Variants in FARP2 observed in about 807,000 individuals in gnomAD.
The protein encoded by FARP2 is FERM, ARH/RhoGEF and pleckstrin domain protein 2.
FARP2 carries 111 observed loss-of-function variants against 130.5 expected under a neutral mutation model. That is an observed-to-expected ratio of 0.85 (90% CI 0.73 to 1.00). FARP2 has a LOEUF of 1.00. FARP2 is among the 50% of genes least tolerant of loss of function. FARP2 has a pLI of 0.00. For synonymous variants in FARP2, 504 were observed against 516.9 expected (o/e 0.98, Z 0.34); for missense variants, 1,385 against 1,346.3 (o/e 1.03, Z -0.45).
At chr2:241,367,600 A>G (rs1354315651) in intron 1 of FARP2, among the ~76,000 whole-genome samples, 1 of 152,146 alleles carries the variant, frequency 6.6e-6, no homozygotes, top group African/African-American at 2.4e-5. Context: ...GTAGTGAAAT[A>G]TTAAGTTCAT....
chr2:241,368,755 C>T (rs975899305), intron 1 of FARP2, among the ~76,000 whole-genome samples: 5 of 152,126 alleles, frequency 3.3e-5, no homozygotes, highest in South Asian at 2.1e-4. Flanking sequence ...TATAGGTGTG[C>T]GCCACTATTC....
chr2:241,493,847 T>C, intron 26 of FARP2, 161 bp from the exon 27 acceptor site: 3 of 546,014 alleles, frequency 5.5e-6, no homozygotes, highest in South Asian at 3.6e-5. Context: ...TCCATCTGCC[T>C]CAGCCTCCCA....
intron 2 of FARP2, among the ~76,000 whole-genome samples, chr2:241,377,420 C>A (rs960279192): frequency 6.6e-6 from 1 of 151,468 alleles, no homozygotes; most frequent in African/African-American, 2.4e-5. Flanking sequence ...CGGCTCACTG[C>A]AAGCTCCGCT....
Position 241,377,403 on chromosome 2 carries a change from G to A in FARP2, c.183+4113G>A, listed in dbSNP as rs1002076638. ...AGGCCGGACTGCGGACTGCAGTGGC[G>A]CAATCTCGGCTCACTGCAAGCTCCG... is the stretch of plus-strand genomic sequence containing the variant. On this transcript the variant is annotated intron_variant, in intron 2 of 26. Transcript: ENST00000264042. 9.3e-5 allele frequency among the ~76,000 whole-genome samples: 14 copies of A among 150,664 alleles called. 1 individual carries two copies. Among genetic ancestry groups the A allele is most frequent in the African/African-American group, 3.4e-4 (14 of 41,036 alleles).
At chr2:241,397,277 A>G (rs1389939059) in intron 2 of FARP2, among the ~76,000 whole-genome samples, 2 of 152,180 alleles carry the variant, frequency 1.3e-5, no homozygotes, top group Non-Finnish European at 2.9e-5. Context: ...TGGCACATGT[A>G]TACATATGTA....
chr2:241,442,053 A>C (rs966089368), intron 13 of FARP2: 10 of 362,306 alleles, frequency 2.8e-5, no homozygotes, highest in Non-Finnish European at 4.4e-5. Flanking sequence ...ATGGGAACGC[A>C]CACCCCTCAG....
At chr2:241,410,201 T>C (rs1182800021) in intron 5 of FARP2, among the ~76,000 whole-genome samples, 5 of 152,224 alleles carry the variant, frequency 3.3e-5, no homozygotes, top group African/African-American at 1.2e-4. Flanking sequence ...AAAGTGCCTG[T>C]TTCTCAGATC....
chr2:241,440,546 A>T (rs1466420477), intron 12 of FARP2, among the ~76,000 whole-genome samples: 9 of 152,126 alleles, frequency 5.9e-5, no homozygotes, highest in African/African-American at 2.2e-4. Context: ...GGAAGGCCCC[A>T]GGTCTCTTGT....
At chr2:241,463,562 G>A in intron 16 of FARP2, 94 bp downstream of exon 16, 1 of 1,455,490 alleles carries the variant, frequency 6.9e-7, no homozygotes, top group South Asian at 1.3e-5. Flanking sequence ...TAATTCAGAA[G>A]AGCCATTTTT....
chr2:241,467,367 C>G (rs1397102308), intron 17 of FARP2, among the ~76,000 whole-genome samples: 3 of 149,482 alleles, frequency 2.0e-5, no homozygotes, highest in Non-Finnish European at 4.5e-5. Context: ...AGATATGGGC[C>G]AGGCATAGTG....
At chr2:241,467,885 G>A (rs1221930712) in intron 17 of FARP2, among the ~76,000 whole-genome samples, 1 of 152,204 alleles carries the variant, frequency 6.6e-6, no homozygotes, top group Admixed American at 6.5e-5. Context: ...TCCACTCAGT[G>A]CATGTGATAT....
At chr2:241,392,401 T>C (rs2150329982) in intron 2 of FARP2, among the ~76,000 whole-genome samples, 1 of 152,278 alleles carries the variant, frequency 6.6e-6, no homozygotes, top group African/African-American at 2.4e-5. Flanking sequence ...AAATAAGTAA[T>C]TGAGTCACCA....
At chr2:241,396,385 G>C (rs371067352) in intron 2 of FARP2, among the ~76,000 whole-genome samples, 2 of 151,910 alleles carry the variant, frequency 1.3e-5, no homozygotes, top group Non-Finnish European at 2.9e-5. Context: ...ACTACCATCA[G>C]AGTGAACAGG....
At position 241,434,338 on chromosome 2, in the gene FARP2, G is replaced by C. The variant is rs1387867690; in HGVS notation, c.1031+17G>C. The C allele has an allele frequency of 1.3e-6, 2 of 1,565,182 alleles. No homozygotes were observed. Among genetic ancestry groups the C allele is most frequent in the Non-Finnish European group, 1.7e-6 (2 of 1,159,540 alleles). The stretch of plus-strand genomic sequence containing the variant: ...CAGATACAGGTAGGGGCCATGCCGT[G>C]GCTTGCATGGGCCCCTCACTGGTTT... On this transcript the variant is annotated intron_variant, in intron 10 of 26. Transcript: ENST00000264042.
At chr2:241,491,434 G>A (rs936379506) in intron 23 of FARP2, 82 bp from the exon 24 acceptor site, 54 of 1,492,060 alleles carry the variant, frequency 3.6e-5, no homozygotes, top group Non-Finnish European at 4.7e-5. Flanking sequence ...CAGGACCCCC[G>A]AGAGGAACCC....
intron 18 of FARP2, among the ~76,000 whole-genome samples, chr2:241,470,175 T>C (rs962106574): frequency 9.2e-5 from 14 of 152,362 alleles, no homozygotes; most frequent in African/African-American, 3.4e-4. Context: ...TTGAATAGAA[T>C]TCTCTTGGAC....
At chr2:241,454,120 C>A (rs1340651674) in intron 13 of FARP2, among the ~76,000 whole-genome samples, 1 of 152,012 alleles carries the variant, frequency 6.6e-6, no homozygotes, top group Non-Finnish European at 1.5e-5. Flanking sequence ...CCTATTACCC[C>A]ACCCTAGCCA....
At chr2:241,446,218 G>A (rs1421409664) in intron 13 of FARP2, 1 of 152,070 alleles carries the variant, frequency 6.6e-6, no homozygotes, top group Non-Finnish European at 1.5e-5. Context: ...GTATTGATAT[G>A]TGCCTTTTTT....
At chr2:241,478,478 C>G in intron 19 of FARP2, 2 of 291,504 alleles carry the variant, frequency 6.9e-6, no homozygotes, top group South Asian at 7.0e-5. Context: ...CACCACCCAG[C>G]AGATGCTGTG....
Sources: allele counts gnomAD v4.1 joint callset (sites outside exome capture counted in the v4.1 genomes callset), GRCh38; gene constraint gnomAD v4.1.1; transcripts MANE v1.5; gene names NCBI Gene and HGNC (gene_info 2026-07-23, HGNC 2026-07-21).